Variants in SPATA16 observed in about 807,000 individuals in gnomAD.
The protein encoded by SPATA16 is spermatogenesis associated 16, also known as spermatogenesis-associated protein 16.
In SPATA16, 36 loss-of-function variants were observed where a neutral mutation model predicts 63.3. The observed-to-expected ratio is 0.57, with a 90% confidence interval of 0.44 to 0.75. SPATA16 has a LOEUF of 0.75. SPATA16 is among the 30% of genes least tolerant of loss of function. The probability of loss-of-function intolerance (pLI) is 0.00; values close to 1 mark genes in which losing one functional copy is unlikely to be tolerated. For synonymous variants in SPATA16, 203 were observed against 216.7 expected, an observed-to-expected ratio of 0.94 and a Z score of 0.56; for missense variants, 646 against 679.3, an observed-to-expected ratio of 0.95 and a Z score of 0.54.
intron 3 of SPATA16, among the ~76,000 whole-genome samples, chr3:173,022,187 A>T (rs1046223471): frequency 4.7e-5 from 7 of 148,236 alleles, no homozygotes; most frequent in African/African-American, 1.3e-4. Context: ...GATAGGAATT[A>T]AAAAAAAATT....
chr3:172,890,226 A>T (rs1459641470), intron 10 of SPATA16, among the ~76,000 whole-genome samples: 1 of 152,220 alleles, frequency 6.6e-6, no homozygotes, highest in Non-Finnish European at 1.5e-5. Flanking sequence ...ATTTTCTTAA[A>T]AAATGCCACA....
chr3:172,968,503 C>T (rs568572710), intron 5 of SPATA16, among the ~76,000 whole-genome samples: 25 of 152,270 alleles, frequency 1.6e-4, no homozygotes, highest in Middle Eastern at 3.4e-3. Flanking sequence ...TAAAAAGCAA[C>T]CTTACCTACT....
chr3:172,981,632 T>C (rs1734322089), intron 4 of SPATA16, among the ~76,000 whole-genome samples: 1 of 152,206 alleles, frequency 6.6e-6, no homozygotes. Flanking sequence ...GTATGTGTCA[T>C]TTTCTCAGTG....
At chr3:172,929,337 T>C (rs1442994514) in intron 6 of SPATA16, among the ~76,000 whole-genome samples, 1 of 152,222 alleles carries the variant, frequency 6.6e-6, no homozygotes, top group African/African-American at 2.4e-5. Flanking sequence ...AGATTAAATT[T>C]CTCACAGAAA....
At chr3:172,962,280 G>T (rs969247869) in intron 5 of SPATA16, among the ~76,000 whole-genome samples, 1 of 113,338 alleles carries the variant, frequency 8.8e-6, no homozygotes, top group South Asian at 2.6e-4. Context: ...AAAAAAAAAG[G>T]ACTCACAGGT....
At chr3:172,893,419 G>C (rs1318922457) in intron 10 of SPATA16, among the ~76,000 whole-genome samples, 1 of 152,158 alleles carries the variant, frequency 6.6e-6, no homozygotes, top group Non-Finnish European at 1.5e-5. Flanking sequence ...AGAAACTAGG[G>C]GAGAGGCAGG....
chr3:172,916,186 A>G (rs563331477), intron 9 of SPATA16, 131 bp downstream of exon 9: 43 of 1,119,698 alleles, frequency 3.8e-5, no homozygotes, highest in South Asian at 1.6e-4. Context: ...GAATGCTTCA[A>G]GAAGGTTTGG....
chr3:173,095,691 A>G lies in SPATA16; in HGVS notation c.612+21429T>C, dbSNP rs9823188. 8.2e-3 allele frequency among the ~76,000 whole-genome samples: 1,247 copies of G among 152,294 alleles called. 28 individuals carry two copies. The highest frequency in any genetic ancestry group is 0.028 in the African/African-American group (1,149 of 41,580). On this transcript the variant is annotated intron_variant, in intron 2 of 10. Coordinates refer to ENST00000351008, the MANE Select transcript of SPATA16 (RefSeq NM_031955.6). ...AGTAAATACATAGTAGGAAGACTCAAATTATTTTCCTATTTGAAATCCATG... is the reference window on the plus strand; with the variant it reads ...AGTAAATACATAGTAGGAAGACTCAGATTATTTTCCTATTTGAAATCCATG...
At chr3:172,918,681 C>G (rs1577088939) in intron 8 of SPATA16, among the ~76,000 whole-genome samples, 3 of 152,128 alleles carry the variant, frequency 2.0e-5, no homozygotes, top group East Asian at 3.9e-4. Context: ...ATATCTAATG[C>G]TAACAAAGAC....
intron 4 of SPATA16, among the ~76,000 whole-genome samples, chr3:172,984,180 C>A (rs1029781404): frequency 6.6e-6 from 1 of 152,084 alleles, no homozygotes; most frequent in Non-Finnish European, 1.5e-5. Flanking sequence ...TTCAGGTGCT[C>A]GGTAGCCCCA....
At chr3:172,928,384 C>T (rs955105980) in intron 6 of SPATA16, among the ~76,000 whole-genome samples, 6 of 152,142 alleles carry the variant, frequency 3.9e-5, no homozygotes, top group South Asian at 2.1e-4. Context: ...TCTTTGCAAG[C>T]GAATACTATT....
At chr3:173,015,631 A>G (rs1432075807) in intron 4 of SPATA16, among the ~76,000 whole-genome samples, 1 of 152,196 alleles carries the variant, frequency 6.6e-6, no homozygotes, top group Non-Finnish European at 1.5e-5. Flanking sequence ...CTGAATGGTT[A>G]TCAACCACAT....
chr3:172,953,426 A>C (rs774320871), intron 6 of SPATA16, among the ~76,000 whole-genome samples: 2 of 152,176 alleles, frequency 1.3e-5, no homozygotes, highest in Non-Finnish European at 2.9e-5. Context: ...TTATTGAGTA[A>C]GACTCAGAAA....
intron 4 of SPATA16, among the ~76,000 whole-genome samples, chr3:172,991,798 A>G (rs1160859127): frequency 6.6e-6 from 1 of 152,216 alleles, no homozygotes. Flanking sequence ...AAGGCTGAAG[A>G]AAAAAACAAC....
chr3:172,965,232 A>G (rs1733888011), intron 5 of SPATA16, among the ~76,000 whole-genome samples: 1 of 152,218 alleles, frequency 6.6e-6, no homozygotes, highest in African/African-American at 2.4e-5. Context: ...TTCATGACAG[A>G]GATGGGATTC....
At chr3:172,979,946 T>G in intron 4 of SPATA16, among the ~76,000 whole-genome samples, 1 of 152,232 alleles carries the variant, frequency 6.6e-6, no homozygotes, top group Non-Finnish European at 1.5e-5. Context: ...CTGGCATGTA[T>G]TCATAGAGGT....
intron 2 of SPATA16, among the ~76,000 whole-genome samples, chr3:173,075,053 A>G (rs1235329104): frequency 2.0e-5 from 3 of 151,366 alleles, no homozygotes; most frequent in African/African-American, 4.8e-5. Context: ...TTTGAGTACT[A>G]TGCTATTTGG....
At chr3:172,935,169 C>T (rs779624979) in intron 6 of SPATA16, among the ~76,000 whole-genome samples, 2 of 152,114 alleles carry the variant, frequency 1.3e-5, no homozygotes, top group Non-Finnish European at 2.9e-5. Context: ...TCAATACAAA[C>T]GTGTAAGATT....
At position 172,992,074 on chromosome 3, in the gene SPATA16, G is replaced by A. The variant is rs116165202; in HGVS notation, c.849-15022C>T. 1.5e-3 allele frequency among the ~76,000 whole-genome samples: 222 copies of A among 152,138 alleles called. 2 individuals are homozygous for A. The highest frequency in any genetic ancestry group is 4.0e-3 in the Admixed American group (61 of 15,268). On this transcript the variant is annotated intron_variant, in intron 4 of 10. Transcript: ENST00000351008. ...CCTTGAACTAGTTAATGGTATGGGC[G>A]TTAGGAAAATTCTGCATTCCTTTTG...
Sources: allele counts gnomAD v4.1 joint callset (sites outside exome capture counted in the v4.1 genomes callset), GRCh38; gene constraint gnomAD v4.1.1; transcripts MANE v1.5; gene names NCBI Gene and HGNC (gene_info 2026-07-23, HGNC 2026-07-21).